Variants in ASPSCR1 observed in about 807,000 individuals in gnomAD.
ASPSCR1 encodes the protein ASPSCR1 tether for SLC2A4, UBX domain containing.
A neutral mutation model predicts 68.9 loss-of-function variants in ASPSCR1; 55 were observed. That is an observed-to-expected ratio of 0.80 (90% confidence interval 0.64 to 1.00). The LOEUF is 1.00. ASPSCR1 is among the 50% of genes least tolerant of loss of function. The pLI, the probability that ASPSCR1 is intolerant of heterozygous loss-of-function variation, is 0.00. For missense variants in ASPSCR1, 765 were observed against 762.2 expected (o/e 1.00, Z -0.04); for synonymous variants, 352 against 332.6 (o/e 1.06, Z -0.63).
chr17:81,979,329 G>C, intron 2 of ASPSCR1, 90 bp downstream of exon 2: 2 of 1,469,582 alleles, frequency 1.4e-6, no homozygotes, highest in Non-Finnish European at 1.9e-6. Flanking sequence ...AAAGCCCCCA[G>C]GTGGTTTTAA....
At chr17:82,016,341 T>C (rs1567999729) in intron 12 of ASPSCR1, 135 bp from the exon 13 acceptor site, 1 of 766,298 alleles carries the variant, frequency 1.3e-6, no homozygotes, top group Non-Finnish European at 2.1e-6. Flanking sequence ...AGCTGGGCGA[T>C]GGGCTCATGG....
At chr17:81,994,235 G>A (rs922296229) in intron 4 of ASPSCR1, among the ~76,000 whole-genome samples, 4 of 152,232 alleles carry the variant, frequency 2.6e-5, no homozygotes, top group Non-Finnish European at 4.4e-5. Context: ...GAAAGACACT[G>A]GTGGCAGAGT....
Position 81,987,290 on chromosome 17 carries a change from G to A in ASPSCR1, c.374+1683G>A, listed in dbSNP as rs1341074863. On this transcript the variant is annotated intron_variant, in intron 4 of 15. Coordinates refer to ENST00000306739, the MANE Select transcript of ASPSCR1 (RefSeq NM_024083.4). The surrounding 1 kb of genome is among the most constrained non-coding windows in gnomAD (Gnocchi z 5.6). Reference sequence around the variant, plus strand: ...GGCAGGGAGGCAGGCAGCCCCAGGCGCTGTGTGGGCACTGGGTGAGAAGCA... The same window carrying A: ...GGCAGGGAGGCAGGCAGCCCCAGGCACTGTGTGGGCACTGGGTGAGAAGCA... Among the ~76,000 whole-genome samples the A allele has an allele frequency of 1.3e-5, 2 of 152,220 alleles. No individual in the cohort carries two copies. The highest frequency in any genetic ancestry group is 2.9e-5 in the Non-Finnish European group (2 of 68,032).
At position 81,986,686 on chromosome 17, in the gene ASPSCR1, T is replaced by C. The variant is rs915467652; in HGVS notation, c.374+1079T>C. ...ACCTGTGCCCCGGCTGGTGTGTGGA[T>C]GGGGTGAGTTCATGTCTTGAGGACC... On this transcript the variant is annotated intron_variant, in intron 4 of 15. Coordinates refer to ENST00000306739, the MANE Select transcript of ASPSCR1 (RefSeq NM_024083.4). The surrounding 1 kb of genome is among the most constrained non-coding windows in gnomAD (Gnocchi z 5.2). 1.4e-5 allele frequency among the ~76,000 whole-genome samples: 2 copies of C among 142,714 alleles called. No homozygotes were observed. Among genetic ancestry groups the C allele is most frequent in the Non-Finnish European group, 3.0e-5 (2 of 66,206 alleles). 93.6% of individuals were successfully genotyped at this position (142,714 alleles called of 152,430 possible).
Position 82,009,034 on chromosome 17 carries a change from C to T in ASPSCR1, c.934-3C>T. The T allele has an allele frequency of 6.5e-7, 1 of 1,532,330 alleles. No homozygotes were observed. The highest frequency in any genetic ancestry group is 2.5e-5 in the East Asian group (1 of 40,436). The allele number at this position is 1,532,330 out of a possible 1,614,324, so 94.9% of individuals were successfully genotyped here. On this transcript the variant is annotated splice_polypyrimidine_tract_variant and splice_region_variant and intron_variant, in intron 7 of 15. Coordinates refer to ENST00000306739, the MANE Select transcript of ASPSCR1 (RefSeq NM_024083.4). Reference sequence around the variant, plus strand: ...CGCCGTCAGCCGCGCCCTCTGCCTCCAGCCCGTGGACCGGGAGCCCGTGGA... The same window carrying T: ...CGCCGTCAGCCGCGCCCTCTGCCTCTAGCCCGTGGACCGGGAGCCCGTGGA...
chr17:81,994,988 G>A, intron 5 of ASPSCR1, 110 bp downstream of exon 5: 3 of 1,197,474 alleles, frequency 2.5e-6, no homozygotes, highest in Non-Finnish European at 2.3e-6. Context: ...GGAGACTCGG[G>A]CTCTTGAAAG....
At chr17:81,984,822 TACACACCCCCACACACCCCTGC>T (rs2041914815) in intron 3 of ASPSCR1, among the ~76,000 whole-genome samples, 1 of 51,062 alleles carries the variant, frequency 2.0e-5, no homozygotes, top group Non-Finnish European at 3.9e-5. Flanking sequence ...CGCACACCCG[TACACACCCCCACACACCCCTGC>T]ACACACCCCA....
intron 2 of ASPSCR1, among the ~76,000 whole-genome samples, chr17:81,979,762 G>A (rs776242741): frequency 4.0e-4 from 61 of 152,066 alleles, no homozygotes; most frequent in Admixed American, 1.9e-3. Context: ...TGGAGAAATA[G>A]GATGCCTTGA....
At chr17:81,997,110 C>CGGGATGAGGCCGTGTGGGCTCT (rs2042374151) in intron 7 of ASPSCR1, among the ~76,000 whole-genome samples, 1 of 151,748 alleles carries the variant, frequency 6.6e-6, no homozygotes, top group South Asian at 2.1e-4. Context: ...GTGTCCGCTC[C>CGGGATGAGGCCGTGTGGGCTCT]GGGATGAGGC....
chr17:81,984,785 ACACACACCCC>A (rs1171706887), intron 3 of ASPSCR1, among the ~76,000 whole-genome samples: 3 of 148,222 alleles, frequency 2.0e-5, no homozygotes, highest in African/African-American at 5.0e-5. Context: ...ACACACACCC[ACACACACCCC>A]CACACACCCA....
chr17:81,992,669 T>C (rs998512226), intron 4 of ASPSCR1, among the ~76,000 whole-genome samples: 6 of 152,208 alleles, frequency 3.9e-5, no homozygotes, highest in Admixed American at 1.3e-4. Context: ...CCTTGAGGCC[T>C]CTCTCTGCCT....
chr17:81,979,805 C>T (rs2041737157), intron 2 of ASPSCR1, among the ~76,000 whole-genome samples: 1 of 152,102 alleles, frequency 6.6e-6, no homozygotes, highest in African/African-American at 2.4e-5. Flanking sequence ...GTCTCACAGC[C>T]CCTGGAATTA....
intron 10 of ASPSCR1, 141 bp downstream of exon 10, chr17:82,011,009 C>A: frequency 3.0e-6 from 3 of 991,802 alleles, no homozygotes; most frequent in Non-Finnish European, 4.4e-6. Flanking sequence ...TGCTGATGTC[C>A]CCTTGGGGGT....
rs1370290845 is a variant in ASPSCR1, at chr17:82,009,556, C to CA, written c.1159_1160insA (p.Arg387GlnfsTer122). The CA allele has an allele frequency of 1.2e-5, 15 of 1,282,688 alleles. No homozygotes were observed. Among genetic ancestry groups the CA allele is most frequent in the Non-Finnish European group, 1.4e-5 (14 of 999,904 alleles). The allele number at this position is 1,282,688 out of a possible 1,614,324, so 79.5% of individuals were successfully genotyped here. ...GGCGCAGATAAAGGAGAAGCTGGAG[C>CA]GCTACCCAAAGGTCTGCAGACAGGA... On this transcript the variant is annotated frameshift_variant, in exon 9 of 16. Transcript: ENST00000306739. LOFTEE classifies it high-confidence loss of function.
chr17:82,006,211 G>GGTGTGT (rs55690610), intron 7 of ASPSCR1: 4 of 146,782 alleles, frequency 2.7e-5, no homozygotes, highest in African/African-American at 1.0e-4. Flanking sequence ...CATGTGCACA[G>GGTGTGT]GTGTGTGTGT....
chr17:82,009,075 G>A lies in ASPSCR1; in HGVS notation c.972G>A (p.Val324=), dbSNP rs749077643. ...DREPVDREPV[V]CHPDLEERLQ... is the part of the protein sequence containing the mutation. ...AGCCCGTGGACCGGGAGCCGGTGGT[G>A]TGCCACCCCGACCTGGAGGAGCGGC... Residue 324 remains valine (V), a synonymous_variant, in exon 8 of 16, where the codon GTG becomes GTA. Coordinates refer to ENST00000306739, the MANE Select transcript of ASPSCR1 (RefSeq NM_024083.4). 13 of 1,571,710 alleles carry A rather than the reference G, an allele frequency of 8.3e-6. No individual in the cohort carries two copies. The highest frequency in any genetic ancestry group is 1.8e-5 in the Admixed American group (1 of 54,286).
At position 82,012,251 on chromosome 17, in the gene ASPSCR1, G is replaced by A; in HGVS notation, c.1321G>A (p.Val441Ile). ...CTCAGTCATCACCCCTCCAAAAACA[G>A]TCCTGGACGACCACACGCAGACCCT... ...FYLFITPPKT[V>I]LDDHTQTLFQ... Residue 441 changes from valine to isoleucine, a missense_variant, in exon 12 of 16, where the codon GTC becomes ATC. By Grantham distance (29) the Val-to-Ile change is conservative. Coordinates refer to ENST00000306739, the MANE Select transcript of ASPSCR1 (RefSeq NM_024083.4). 1 of 1,613,670 alleles carries A rather than the reference G, an allele frequency of 6.2e-7. No homozygotes were observed.
At chr17:82,008,369 G>C (rs972310792) in intron 7 of ASPSCR1, 1 of 152,398 alleles carries the variant, frequency 6.6e-6, no homozygotes, top group African/African-American at 2.4e-5. Context: ...GACAGCTCTC[G>C]GCTGTTCTGT....
chr17:81,977,756 C>A lies in ASPSCR1; in HGVS notation c.102+8C>A, dbSNP rs1013901637. On this transcript the variant is annotated splice_region_variant and intron_variant, in intron 1 of 15. Transcript: ENST00000306739. This position sits in a 1 kb window ranked among gnomAD's most constrained non-coding sequence, Gnocchi z 5.0. ...AGCACCGTGCTGCTTCAGGTGCGGC[C>A]GCCCGCCCGGGGCGGACGGGTAGGC... The A allele has an allele frequency of 4.9e-6, 6 of 1,227,010 alleles. No homozygotes were observed. In the African/African-American group the frequency reaches 9.4e-5, roughly 19 times the overall value. The allele number at this position is 1,227,010 out of a possible 1,614,324, so 76.0% of individuals were successfully genotyped here.
Sources: allele counts gnomAD v4.1 joint callset (sites outside exome capture counted in the v4.1 genomes callset), GRCh38; gene constraint gnomAD v4.1.1; non-coding constraint Gnocchi (gnomAD v3.1); transcripts MANE v1.5; gene names NCBI Gene and HGNC (gene_info 2026-07-23, HGNC 2026-07-21).